SOX6: variants seen among roughly 807,000 people sequenced by gnomAD.
SOX6 encodes SRY-box transcription factor 6, also known as transcription factor SOX-6.
A neutral mutation model predicts 97.8 loss-of-function variants in SOX6; 11 were observed. The observed-to-expected ratio is 0.11, with a 90% CI of 0.07 to 0.19. SOX6 has a LOEUF of 0.19. Ranked by LOEUF, SOX6 falls within the 10% of genes least tolerant of loss-of-function variation. The pLI, the probability that SOX6 is intolerant of heterozygous loss-of-function variation, is 1.00. For missense variants in SOX6, 810 were observed against 1,039.5 expected (o/e 0.78, Z 3.04); for synonymous variants, 360 against 371.4 (o/e 0.97, Z 0.35).
At chr11:16,447,779 G>A (rs1400370118) in intron 1 of SOX6, among the ~76,000 whole-genome samples, 1 of 152,160 alleles carries the variant, frequency 6.6e-6, no homozygotes, top group Non-Finnish European at 1.5e-5. Context: ...TGTGTTGAAT[G>A]AGTGACAAAA....
At chr11:16,561,400 T>C (rs1267820814) in intron 4 of SOX6, among the ~76,000 whole-genome samples, 1 of 151,962 alleles carries the variant, frequency 6.6e-6, no homozygotes, top group Non-Finnish European at 1.5e-5. Context: ...TCCTAAGATA[T>C]GAATGTAAGT....
chr11:16,516,882 G>T (rs7122873), intron 4 of SOX6, among the ~76,000 whole-genome samples: 108,067 of 142,128 alleles, frequency 0.76, 41,022 homozygotes, highest in Middle Eastern at 0.85. Flanking sequence ...CCAAAAAAGA[G>T]AATTTTAGAT....
chr11:16,041,352 C>A (rs953865916), intron 12 of SOX6, among the ~76,000 whole-genome samples: 1 of 152,052 alleles, frequency 6.6e-6, no homozygotes, highest in Non-Finnish European at 1.5e-5. Context: ...TGGTAATTGA[C>A]AATGCGAAGC....
At chr11:16,049,165 C>T (rs1389322487) in intron 11 of SOX6, among the ~76,000 whole-genome samples, 1 of 152,090 alleles carries the variant, frequency 6.6e-6, no homozygotes, top group Non-Finnish European at 1.5e-5. Context: ...CCAAGCCTGC[C>T]TCATTCCAAA....
Position 16,532,959 on chromosome 11 carries a change from G to A in SOX6, n.610-56571C>T, listed in dbSNP as rs138785242. Among the ~76,000 whole-genome samples, 782 of 151,912 alleles carry A rather than the reference G, an allele frequency of 5.1e-3. 7 individuals carry two copies. Among genetic ancestry groups the A allele is most frequent in the African/African-American group, 0.018 (743 of 41,520 alleles). On this transcript the variant is annotated intron_variant and non_coding_transcript_variant, in intron 4 of 5. Transcript: ENST00000524520. ...TTGGTGTGTGTTGCAATAAGGACAC[G>A]CCAAGGGAAAGAGAAGAGAATGTTT...
chr11:16,643,956 A>G (rs6486305), intron 3 of SOX6, among the ~76,000 whole-genome samples: 133,059 of 140,324 alleles, frequency 0.95, 63,018 homozygotes, highest in Middle Eastern at 0.99. Flanking sequence ...AGATGAACCC[A>G]GTACCTCAGT....
chr11:16,065,406 G>C (rs1013421065), intron 9 of SOX6, among the ~76,000 whole-genome samples: 38 of 152,000 alleles, frequency 2.5e-4, no homozygotes, highest in African/African-American at 6.8e-4. Context: ...TGAATTGGAA[G>C]AATCAATATT....
At chr11:16,318,387 TAAGG>T (rs1855814094) in intron 3 of SOX6, 55 bp downstream of exon 3, 2 of 1,537,166 alleles carry the variant, frequency 1.3e-6, no homozygotes, top group African/African-American at 1.4e-5. Flanking sequence ...TTTTTTTTTT[TAAGG>T]CCTGGAATCT....
chr11:16,554,815 A>G (rs1847733131), intron 4 of SOX6, among the ~76,000 whole-genome samples: 1 of 152,074 alleles, frequency 6.6e-6, no homozygotes, highest in Non-Finnish European at 1.5e-5. Flanking sequence ...AGGAAAGGGG[A>G]AAGAGAGAGA....
intron 2 of SOX6, among the ~76,000 whole-genome samples, chr11:16,337,864 T>C (rs1856510405): frequency 6.6e-6 from 1 of 152,128 alleles, no homozygotes; most frequent in Non-Finnish European, 1.5e-5. Context: ...TGAACCTATG[T>C]GGTCTCATAT....
At chr11:16,502,037 C>A (rs1235969863) in intron 4 of SOX6, among the ~76,000 whole-genome samples, 1 of 152,108 alleles carries the variant, frequency 6.6e-6, no homozygotes, top group Non-Finnish European at 1.5e-5. Context: ...GCACTATTCA[C>A]AATAGCAAAG....
chr11:16,149,491 G>A (rs1850404552), intron 6 of SOX6, among the ~76,000 whole-genome samples: 1 of 152,084 alleles, frequency 6.6e-6, no homozygotes, highest in Non-Finnish European at 1.5e-5. Context: ...ATAGGAGTCT[G>A]ATAGGTCATT....
intron 6 of SOX6, among the ~76,000 whole-genome samples, chr11:16,139,137 T>A (rs909158460): frequency 6.6e-6 from 1 of 152,224 alleles, no homozygotes; most frequent in Non-Finnish European, 1.5e-5. Flanking sequence ...ATTTATCCCA[T>A]CACTGTTAAT....
chr11:16,145,141 C>G (rs761673529), intron 6 of SOX6, among the ~76,000 whole-genome samples: 7 of 152,028 alleles, frequency 4.6e-5, no homozygotes, highest in African/African-American at 1.4e-4. Flanking sequence ...ACATCAAAAA[C>G]CTTATCCACC....
At chr11:16,516,587 A>G (rs1006731788) in intron 4 of SOX6, among the ~76,000 whole-genome samples, 38 of 152,134 alleles carry the variant, frequency 2.5e-4, no homozygotes, top group Middle Eastern at 6.8e-3. Flanking sequence ...GAAGAAATGG[A>G]TAAATTCCTC....
At chr11:16,048,466 G>C (rs1412943771) in intron 11 of SOX6, among the ~76,000 whole-genome samples, 1 of 152,070 alleles carries the variant, frequency 6.6e-6, no homozygotes, top group East Asian at 1.9e-4. Flanking sequence ...TTTACAAAAA[G>C]AACACTTGAG....
intron 1 of SOX6, among the ~76,000 whole-genome samples, chr11:16,395,482 G>T (rs775742316): frequency 4.0e-5 from 6 of 151,672 alleles, no homozygotes; most frequent in Admixed American, 2.0e-4. Context: ...GAATATCTTG[G>T]TGTAAAAAAG....
intron 1 of SOX6, among the ~76,000 whole-genome samples, chr11:16,392,098 A>G (rs896569879): frequency 2.6e-5 from 4 of 152,138 alleles, no homozygotes; most frequent in African/African-American, 9.6e-5. Context: ...TGTAAAGTAT[A>G]AAGCAATATG....
chr11:16,248,708 T>C (rs1853414768), intron 3 of SOX6, among the ~76,000 whole-genome samples: 1 of 152,188 alleles, frequency 6.6e-6, no homozygotes, highest in Non-Finnish European at 1.5e-5. Context: ...ACAGAACCAT[T>C]TTTCCCTCCT....
Sources: gnomAD v4.1 joint callset for allele counts (sites outside exome capture counted in the v4.1 genomes callset) on GRCh38, gnomAD v4.1.1 for gene constraint, MANE v1.5 for transcripts, NCBI Gene and HGNC (gene_info 2026-07-23, HGNC 2026-07-21) for gene names.